The following PFKP variants were observed in gnomAD, a reference collection of about 807,000 sequenced individuals.
The protein encoded by PFKP is phosphofructokinase, platelet.
PFKP carries 101 observed loss-of-function variants against 94.3 expected under a neutral mutation model. That is an observed-to-expected ratio of 1.07 (90% confidence interval 0.91 to 1.26). PFKP has a LOEUF of 1.26. PFKP is among the 50% of genes most tolerant of loss of function. PFKP has a pLI of 0.00. For missense variants in PFKP, 1,145 were observed against 1,103.3 expected (o/e 1.04, Z -0.53); for synonymous variants, 573 against 432.6 (o/e 1.32, Z -4.03).
In PFKP at chr10:3,112,313, C is replaced by G. The variant is rs1338633648; in HGVS notation, c.1154+27C>G. 9 of 1,584,116 alleles carry G rather than the reference C, an allele frequency of 5.7e-6. No individual in the cohort carries two copies. The Admixed American group carries it at 1.3e-4, about 23-fold the overall frequency. ...TGAGGTGCTTTGGAGAAAGCTCTGC[C>G]CTGTCAGGAACACACACCCCTCAGG... On this transcript the variant is annotated intron_variant, in intron 11 of 21. Transcript: ENST00000381125.
Position 3,134,713 on chromosome 10 carries a change from T to C in PFKP, c.2122+131T>C. ...GTTCAGTACTGAGCTGCACGTGATG[T>C]TTTACTCCTGATCTCTGAGTGTTGC... On this transcript the variant is annotated intron_variant, in intron 20 of 21. Coordinates refer to ENST00000381125, the MANE Select transcript of PFKP (RefSeq NM_002627.5). The C allele has an allele frequency of 6.5e-6, 4 of 612,218 alleles. No homozygotes were observed. In the South Asian group the frequency reaches 6.6e-5, roughly 10 times the overall value. 37.9% of individuals were successfully genotyped at this position (612,218 alleles called of 1,614,324 possible).
At chr10:3,118,483 TATTA>T (rs1444933896) in intron 14 of PFKP, among the ~76,000 whole-genome samples, 7 of 152,296 alleles carry the variant, frequency 4.6e-5, no homozygotes, top group African/African-American at 4.8e-5. Flanking sequence ...AAAAAATTGT[TATTA>T]ATTATAACTT....
At chr10:3,112,094 GGGCTGCT>G (rs1476441925) in intron 10 of PFKP, 121 bp from the exon 11 acceptor site, 6 of 755,222 alleles carry the variant, frequency 7.9e-6, no homozygotes, top group Non-Finnish European at 1.4e-5. Context: ...ATTAACCCTG[GGGCTGCT>G]GGCTGCCCGG....
intron 1 of PFKP, chr10:3,069,264 C>A: frequency 6.8e-7 from 1 of 1,470,546 alleles, no homozygotes; most frequent in South Asian, 1.3e-5. Flanking sequence ...CATCAACGTT[C>A]TTCCTGCAGG....
At chr10:3,121,590 T>A (rs1184918264) in intron 16 of PFKP, among the ~76,000 whole-genome samples, 1 of 151,348 alleles carries the variant, frequency 6.6e-6, no homozygotes, top group African/African-American at 2.4e-5. Flanking sequence ...TGTTTTTTTT[T>A]TTTTTTTTTC....
rs370803169 is a variant in PFKP, at chr10:3,101,417, G to T, written c.317G>T (p.Gly106Val). 1 of 1,605,952 alleles carries T rather than the reference G, an allele frequency of 6.2e-7. No homozygotes were observed. The highest frequency in any genetic ancestry group is 1.3e-5 in the African/African-American group (1 of 74,768). ...TGCCAGGCCTTCCGCACGCGGGAAG[G>T]CCGCCTGAAGGCTGCTTGCAACCTG... Reference protein sequence around the residue: ...ARCQAFRTREGRLKAACNLLQ... With the variant: ...ARCQAFRTREVRLKAACNLLQ... The change falls in exon 4 of 22, where the codon GGC becomes GTC. Residue 106 changes from glycine (G) to valine (V), a missense_variant. Physicochemically the swap from Gly to Val is moderately radical, Grantham distance 109. Coordinates refer to ENST00000381125, the MANE Select transcript of PFKP (RefSeq NM_002627.5).
At chr10:3,121,039 AACTT>A (rs1187006360) in intron 16 of PFKP, among the ~76,000 whole-genome samples, 1 of 151,856 alleles carries the variant, frequency 6.6e-6, no homozygotes, top group Non-Finnish European at 1.5e-5. Flanking sequence ...CTTGGCATGA[AACTT>A]ATTTCTAGCA....
intron 16 of PFKP, chr10:3,124,981 C>T (rs541308218): frequency 1.7e-4 from 141 of 840,854 alleles, no homozygotes; most frequent in African/African-American, 1.6e-3. Context: ...CCGCATGAAC[C>T]GGCTTCCCCT....
At chr10:3,112,058 A>G (rs1836286580) in intron 10 of PFKP, among the ~76,000 whole-genome samples, 164 bp from the exon 11 acceptor site, 1 of 152,110 alleles carries the variant, frequency 6.6e-6, no homozygotes, top group African/African-American at 2.4e-5. Flanking sequence ...GCATTAGGAC[A>G]CACTTGGCGG....
At chr10:3,080,907 G>A (rs906056169) in intron 1 of PFKP, among the ~76,000 whole-genome samples, 1 of 152,154 alleles carries the variant, frequency 6.6e-6, no homozygotes, top group African/African-American at 2.4e-5. Context: ...AGAGAAGAAA[G>A]TTGTGCTGTT....
chr10:3,128,421 C>T (rs1240581368), intron 16 of PFKP, among the ~76,000 whole-genome samples: 1 of 152,218 alleles, frequency 6.6e-6, no homozygotes, highest in African/African-American at 2.4e-5. Flanking sequence ...ACATTTTCCT[C>T]TGGATCAGAG....
intron 1 of PFKP, among the ~76,000 whole-genome samples, chr10:3,075,517 A>G (rs1392096371): frequency 6.7e-6 from 1 of 149,892 alleles, no homozygotes; most frequent in Non-Finnish European, 1.5e-5. Context: ...AGAATCTCCC[A>G]AGAGTGAGGC....
chr10:3,096,433 TA>T, intron 2 of PFKP, among the ~76,000 whole-genome samples: 1 of 152,308 alleles, frequency 6.6e-6, no homozygotes, highest in East Asian at 1.9e-4. Context: ...TGTGGGAATG[TA>T]GGAACTGTCT....
intron 1 of PFKP, among the ~76,000 whole-genome samples, chr10:3,068,324 T>C (rs922162678): frequency 6.6e-6 from 1 of 151,792 alleles, no homozygotes; most frequent in African/African-American, 2.4e-5. Context: ...GTGCGCGGGG[T>C]TCCCGCCTGG....
chr10:3,073,034 G>A (rs779648139), intron 1 of PFKP, among the ~76,000 whole-genome samples: 40 of 151,732 alleles, frequency 2.6e-4, no homozygotes, highest in Non-Finnish European at 4.3e-4. Context: ...CCCACTCCTC[G>A]GTTCTCTCCG....
Position 3,093,755 on chromosome 10 carries a change from C to T in PFKP, c.187-5520C>T, listed in dbSNP as rs183009301. 7.7e-3 allele frequency among the ~76,000 whole-genome samples: 1,159 copies of T among 150,664 alleles called. 19 individuals carry two copies. Among genetic ancestry groups the T allele is most frequent in the East Asian group, 0.07 (358 of 5,130 alleles). On this transcript the variant is annotated intron_variant, in intron 2 of 21. Transcript: ENST00000381125. Reference sequence around the variant, plus strand: ...GCCTCCCAGGTTCACGCCATTCTCCCGCCTCAGCCTCCCGAGCAGCTGGGA... The same window carrying T: ...GCCTCCCAGGTTCACGCCATTCTCCTGCCTCAGCCTCCCGAGCAGCTGGGA...
At chr10:3,107,660 C>T (rs973339873) in intron 8 of PFKP, 9 of 826,292 alleles carry the variant, frequency 1.1e-5, no homozygotes, top group South Asian at 1.1e-4. Flanking sequence ...GCAGCCGACC[C>T]GGGCTTCTGT....
At chr10:3,103,335 G>C (rs1381998734) in intron 4 of PFKP, among the ~76,000 whole-genome samples, 1 of 152,154 alleles carries the variant, frequency 6.6e-6, no homozygotes, top group Non-Finnish European at 1.5e-5. Flanking sequence ...GCAGAATCCG[G>C]TTGCCTTGAG....
chr10:3,133,161 CACTGCACGCTAA>C lies in PFKP; in HGVS notation c.1911-39_1911-28del, dbSNP rs781392728. On this transcript the variant is annotated intron_variant, in intron 18 of 21. Transcript: ENST00000381125. ...CTCCCCAAGCAGGGAGCCACGTGCC[CACTGCACGCTAA>C]ACAAAGTGACTCCTTCTCGCTCGTT... The C allele has an allele frequency of 4.8e-6, 7 of 1,446,578 alleles. 1 individual carries two copies. The South Asian group carries it at 8.0e-5, about 16-fold the overall frequency. 89.6% of individuals were successfully genotyped at this position (1,446,578 alleles called of 1,614,324 possible).
Sources: gnomAD v4.1 joint callset for allele counts (sites outside exome capture counted in the v4.1 genomes callset) on GRCh38, gnomAD v4.1.1 for gene constraint, MANE v1.5 for transcripts, NCBI Gene and HGNC (gene_info 2026-07-23, HGNC 2026-07-21) for gene names.